The following FAM81A variants were observed in gnomAD, a reference collection of about 807,000 sequenced individuals.
FAM81A encodes the protein protein FAM81A.
A neutral mutation model predicts 46.7 loss-of-function variants in FAM81A; 19 were observed. The observed-to-expected ratio is 0.41, with a 90% CI of 0.28 to 0.60. FAM81A has a LOEUF of 0.60. Ranked by LOEUF, FAM81A falls within the 20% of genes least tolerant of loss-of-function variation. The probability of loss-of-function intolerance (pLI) is 0.34; values close to 1 mark genes in which losing one functional copy is unlikely to be tolerated. For missense variants in FAM81A, 377 were observed against 453.5 expected (o/e 0.83, Z 1.53); for synonymous variants, 183 against 152.9 (o/e 1.20, Z -1.45).
At chr15:59,507,708 T>C (rs2082164382) in intron 5 of FAM81A, among the ~76,000 whole-genome samples, 1 of 152,228 alleles carries the variant, frequency 6.6e-6, no homozygotes, top group South Asian at 2.1e-4. Flanking sequence ...CAGGAAATAA[T>C]GTATTCCCTG....
At chr15:59,449,730 C>T (rs534083582) in intron 1 of FAM81A, among the ~76,000 whole-genome samples, 37 of 128,450 alleles carry the variant, frequency 2.9e-4, no homozygotes, top group African/African-American at 3.9e-4. Context: ...TGCAGTGAGC[C>T]GAGATCGCGC....
intron 3 of FAM81A, among the ~76,000 whole-genome samples, chr15:59,471,968 A>G (rs1351781689): frequency 6.6e-6 from 1 of 152,216 alleles, no homozygotes; most frequent in Admixed American, 6.5e-5. Flanking sequence ...AAGACAGTGC[A>G]ATGGGTCTGT....
chr15:59,489,851 A>G (rs1373568999), intron 3 of FAM81A, among the ~76,000 whole-genome samples: 1 of 152,248 alleles, frequency 6.6e-6, no homozygotes, highest in Non-Finnish European at 1.5e-5. Flanking sequence ...CTGAATATCC[A>G]TATGCAGAAG....
chr15:59,456,301 C>T (rs2081483708), intron 1 of FAM81A, among the ~76,000 whole-genome samples: 1 of 151,874 alleles, frequency 6.6e-6, no homozygotes, highest in Non-Finnish European at 1.5e-5. Flanking sequence ...GGCGGGGGTT[C>T]CCGGTGACTG....
At chr15:59,428,621 CTTTTTT>C (rs1206186244) in intron 2 of FAM81A, among the ~76,000 whole-genome samples, 1 of 70,232 alleles carries the variant, frequency 1.4e-5, no homozygotes, top group Non-Finnish European at 2.9e-5. Context: ...ATGTCTACTC[CTTTTTT>C]TTTTTTTTTT....
upstream of FAM81A, among the ~76,000 whole-genome samples, chr15:59,437,050 T>C (rs1473077489): frequency 6.6e-6 from 1 of 152,236 alleles, no homozygotes; most frequent in African/African-American, 2.4e-5. Context: ...GTTAGCGCTT[T>C]GTGGAAGTTA....
chr15:59,456,537 A>G (rs554395964), intron 1 of FAM81A, among the ~76,000 whole-genome samples: 1 of 151,936 alleles, frequency 6.6e-6, no homozygotes, highest in East Asian at 1.9e-4. Flanking sequence ...TTCCCTCCCC[A>G]TGTGCTTTTT....
chr15:59,407,756 T>C, intron 2 of FAM81A: 1 of 220,952 alleles, frequency 4.5e-6, no homozygotes, highest in Non-Finnish European at 8.8e-6. Context: ...ACAGGTGGTC[T>C]CTTAGTGGGG....
At chr15:59,447,908 G>A (rs573141908) in intron 1 of FAM81A, among the ~76,000 whole-genome samples, 2 of 152,190 alleles carry the variant, frequency 1.3e-5, no homozygotes, top group Non-Finnish European at 2.9e-5. Flanking sequence ...GGTGGCCTGG[G>A]CACTCAGCAG....
rs186334366 is a variant in FAM81A, at chr15:59,517,135, A to G, written c.982+295A>G. Among the ~76,000 whole-genome samples, 10 of 152,272 alleles carry G rather than the reference A, an allele frequency of 6.6e-5. No homozygotes were observed. The East Asian group carries it at 9.7e-4, about 15-fold the overall frequency. Reference sequence around the variant, plus strand: ...GGCCAATTCTTTTCTGTTCATAGCCAAGGTTAACATGTCTCAGAAGGAAGC... The same window carrying G: ...GGCCAATTCTTTTCTGTTCATAGCCGAGGTTAACATGTCTCAGAAGGAAGC... On this transcript the variant is annotated intron_variant, in intron 8 of 8. Transcript: ENST00000288228.
At chr15:59,402,748 T>C (rs1376818588) in intron 2 of FAM81A, among the ~76,000 whole-genome samples, 2 of 151,814 alleles carry the variant, frequency 1.3e-5, no homozygotes, top group Admixed American at 6.6e-5. Flanking sequence ...GAGATGGGGT[T>C]TCACCATGTT....
At chr15:59,412,971 A>G (rs149863856) in intron 2 of FAM81A, among the ~76,000 whole-genome samples, 327 of 152,290 alleles carry the variant, frequency 2.1e-3, no homozygotes, top group African/African-American at 7.6e-3. Flanking sequence ...AACCAAACAC[A>G]CGTACCCTGT....
intron 3 of FAM81A, among the ~76,000 whole-genome samples, chr15:59,483,757 T>G (rs2081883555): frequency 6.6e-6 from 1 of 152,230 alleles, no homozygotes; most frequent in South Asian, 2.1e-4. Context: ...ATCCAGGTGC[T>G]ACCTTCCTGA....
intron 8 of FAM81A, among the ~76,000 whole-genome samples, chr15:59,518,375 G>A (rs1434069183): frequency 2.0e-5 from 3 of 152,062 alleles, no homozygotes; most frequent in Non-Finnish European, 4.4e-5. Context: ...CTAGGCCGGG[G>A]TGAAGTGGTG....
chr15:59,428,700 G>A (rs1011045029), intron 2 of FAM81A, among the ~76,000 whole-genome samples: 9 of 133,546 alleles, frequency 6.7e-5, no homozygotes, highest in East Asian at 2.2e-4. Flanking sequence ...GTACAATCTC[G>A]GCTCATTGCA....
rs1322732643 is a variant in FAM81A, at chr15:59,522,610, GTT to G, written c.*1234_*1235del. 1.3e-5 allele frequency: 2 copies of G among 152,442 alleles called. No homozygotes were observed. Among genetic ancestry groups the G allele is most frequent in the East Asian group, 3.9e-4 (2 of 5,188 alleles). The allele number at this position is 152,442 out of a possible 1,614,324, so 9.4% of individuals were successfully genotyped here. ...GTCATTGAAAATTGGCCCCAGTGCT[GTT>G]TGTTCATCTCTGTATGTAAAAACTG... On this transcript the variant is annotated 3_prime_UTR_variant, in exon 9 of 9. Transcript: ENST00000288228.
At position 59,430,350 on chromosome 15, in the gene FAM81A, C is replaced by T. The variant is rs1002057405; in HGVS notation, c.-78+27992C>T. Among the ~76,000 whole-genome samples the T allele has an allele frequency of 3.3e-5, 5 of 150,462 alleles. 1 individual carries two copies. The highest frequency in any genetic ancestry group is 1.9e-4 in the East Asian group (1 of 5,132). ...TACAATCTCAGCTCAGTGCAACCTC[C>T]GCCTCCCGGGTTCAAGCAATTCTCC... On this transcript the variant is annotated intron_variant, in intron 2 of 4. Transcript: ENST00000558348.
chr15:59,494,468 G>T (rs1295211993), intron 4 of FAM81A, among the ~76,000 whole-genome samples: 14 of 152,274 alleles, frequency 9.2e-5, no homozygotes, highest in African/African-American at 3.4e-4. Flanking sequence ...TATGATGCTG[G>T]TTCTAATACA....
intron 2 of FAM81A, among the ~76,000 whole-genome samples, chr15:59,415,966 G>C (rs1327705256): frequency 6.6e-6 from 1 of 152,214 alleles, no homozygotes; most frequent in Non-Finnish European, 1.5e-5. Flanking sequence ...GGAGCACACA[G>C]CCAGGTACAA....
Sources: gnomAD v4.1 joint callset for allele counts (sites outside exome capture counted in the v4.1 genomes callset) on GRCh38, gnomAD v4.1.1 for gene constraint, MANE v1.5 for transcripts, NCBI Gene and HGNC (gene_info 2026-07-23, HGNC 2026-07-21) for gene names.